The following ZSWIM6 variants were observed in gnomAD, a reference collection of about 807,000 sequenced individuals.
ZSWIM6 encodes zinc finger SWIM-type containing 6, also known as zinc finger SWIM domain-containing protein 6.
Under a neutral mutation model 113.2 loss-of-function variants are expected in ZSWIM6, and 9 were observed. That is an observed-to-expected ratio of 0.08 (90% CI 0.05 to 0.14). ZSWIM6 has a LOEUF of 0.14. Among genes scored for constraint, ZSWIM6 ranks in the 10% least tolerant of loss-of-function variants. The pLI, the probability that ZSWIM6 is intolerant of heterozygous loss-of-function variation, is 1.00. For synonymous variants in ZSWIM6, 611 were observed against 606.5 expected (o/e 1.01, Z -0.11); for missense variants, 1,162 against 1,552.2 (o/e 0.75, Z 4.22).
intron 2 of ZSWIM6, among the ~76,000 whole-genome samples, chr5:61,473,939 T>G (rs763982063): frequency 1.8e-4 from 27 of 152,160 alleles, no homozygotes; most frequent in Non-Finnish European, 2.8e-4. Flanking sequence ...GAAAAGCAAT[T>G]TGAGGTCCTT....
chr5:61,511,644 C>T (rs1748791289), intron 4 of ZSWIM6, among the ~76,000 whole-genome samples: 2 of 152,114 alleles, frequency 1.3e-5, no homozygotes, highest in Non-Finnish European at 2.9e-5. Flanking sequence ...TTAGAAGGTG[C>T]CATCTATGAG....
chr5:61,380,078 T>C (rs1381633557), intron 1 of ZSWIM6, among the ~76,000 whole-genome samples: 1 of 151,938 alleles, frequency 6.6e-6, no homozygotes, highest in East Asian at 1.9e-4. Flanking sequence ...ACTAGATTTC[T>C]TTTTTTTCTT....
At chr5:61,359,516 A>G (rs2112050948) in intron 1 of ZSWIM6, among the ~76,000 whole-genome samples, 1 of 152,270 alleles carries the variant, frequency 6.6e-6, no homozygotes, top group African/African-American at 2.4e-5. Flanking sequence ...AAAGGCGTAC[A>G]CCAGGTGAAT....
chr5:61,374,565 A>G (rs1228317774), intron 1 of ZSWIM6, among the ~76,000 whole-genome samples: 1 of 151,874 alleles, frequency 6.6e-6, no homozygotes, highest in Non-Finnish European at 1.5e-5. Flanking sequence ...TATTTATTTT[A>G]TTTTTTGAGA....
intron 1 of ZSWIM6, among the ~76,000 whole-genome samples, chr5:61,334,989 A>G (rs1367245810): frequency 6.6e-6 from 1 of 151,538 alleles, no homozygotes; most frequent in Non-Finnish European, 1.5e-5. Flanking sequence ...TTCTTGGCTG[A>G]TTGCATTTAA....
chr5:61,389,729 G>C (rs1745664971), intron 1 of ZSWIM6, among the ~76,000 whole-genome samples: 1 of 152,146 alleles, frequency 6.6e-6, no homozygotes, highest in Non-Finnish European at 1.5e-5. Context: ...GTGTCTGTTT[G>C]CTCTGTCTTT....
intron 1 of ZSWIM6, among the ~76,000 whole-genome samples, chr5:61,403,102 G>A (rs950441397): frequency 1.3e-5 from 2 of 152,178 alleles, no homozygotes; most frequent in Non-Finnish European, 2.9e-5. Flanking sequence ...CACTTGCCAA[G>A]TTTACACATC....
rs544543940 is a variant in ZSWIM6, at chr5:61,455,353, A to T, written c.677-17328A>T. On this transcript the variant is annotated intron_variant, in intron 1 of 13. Coordinates refer to ENST00000252744, the MANE Select transcript of ZSWIM6 (RefSeq NM_020928.2). ...TGCAATTGAGAACAATGAAACAAGG[A>T]CAAAGGAAGGGCCTGTGATGCTGCT... is the stretch of plus-strand genomic sequence containing the variant. Among the ~76,000 whole-genome samples the T allele has an allele frequency of 3.3e-3, 499 of 152,274 alleles. 4 individuals carry two copies. The highest frequency in any genetic ancestry group is 9.7e-3 in the South Asian group (47 of 4,832).
intron 1 of ZSWIM6, among the ~76,000 whole-genome samples, chr5:61,383,267 C>G (rs1278590223): frequency 6.6e-6 from 1 of 152,116 alleles, no homozygotes; most frequent in Non-Finnish European, 1.5e-5. Flanking sequence ...TAGGTACAGT[C>G]AACAAAGAGA....
At chr5:61,463,564 A>C (rs777608677) in intron 1 of ZSWIM6, among the ~76,000 whole-genome samples, 1 of 152,176 alleles carries the variant, frequency 6.6e-6, no homozygotes, top group African/African-American at 2.4e-5. Context: ...CCACCGATCT[A>C]TATGTTCCAC....
intron 1 of ZSWIM6, among the ~76,000 whole-genome samples, chr5:61,342,167 C>G (rs142221656): frequency 6.6e-6 from 1 of 152,272 alleles, no homozygotes; most frequent in East Asian, 1.9e-4. Flanking sequence ...ATGTGAGTCA[C>G]CACACCCGGC....
intron 9 of ZSWIM6, among the ~76,000 whole-genome samples, chr5:61,535,009 AC>A (rs1749538275): frequency 6.6e-6 from 1 of 152,144 alleles, no homozygotes; most frequent in Non-Finnish European, 1.5e-5. Flanking sequence ...CACACCTCTC[AC>A]CCCTGATACA....
chr5:61,397,317 A>G (rs945827045), intron 1 of ZSWIM6, among the ~76,000 whole-genome samples: 4 of 152,230 alleles, frequency 2.6e-5, no homozygotes, highest in Non-Finnish European at 4.4e-5. Flanking sequence ...AATACATTGG[A>G]TTTACCACTG....
At position 61,378,559 on chromosome 5, in the gene ZSWIM6, ATT is replaced by A. The variant is rs66744107; in HGVS notation, c.676+45623_676+45624del. Among the ~76,000 whole-genome samples, 42 of 147,684 alleles carry A rather than the reference ATT, an allele frequency of 2.8e-4. No individual in the cohort carries two copies. In the East Asian group the frequency reaches 3.4e-3, roughly 12 times the overall value. ...GGACACCCTTTAATACCTTTCAGATATTTTTTTTTTTTTGAGACAGGGTTTTG... is the reference window on the plus strand; with the variant it reads ...GGACACCCTTTAATACCTTTCAGATATTTTTTTTTTTGAGACAGGGTTTTG... On this transcript the variant is annotated intron_variant, in intron 1 of 13. Coordinates refer to ENST00000252744, the MANE Select transcript of ZSWIM6 (RefSeq NM_020928.2).
chr5:61,545,994 G>C lies in ZSWIM6; in HGVS notation c.*1677G>C, dbSNP rs1749878387. ...GCGCTCCATTTTATTTATTATAATA[G>C]GTAAAAAGAAAAAAAAAGGTTGTAA... On this transcript the variant is annotated 3_prime_UTR_variant, in exon 14 of 14. Transcript: ENST00000252744. 1 of 151,362 alleles carries C rather than the reference G, an allele frequency of 6.6e-6. No homozygotes were observed. The highest frequency in any genetic ancestry group is 2.1e-4 in the South Asian group (1 of 4,806). The allele number at this position is 151,362 out of a possible 1,614,324, so 9.4% of individuals were successfully genotyped here.
chr5:61,345,993 G>A (rs1744650606), intron 1 of ZSWIM6, among the ~76,000 whole-genome samples: 1 of 152,160 alleles, frequency 6.6e-6, no homozygotes, highest in Non-Finnish European at 1.5e-5. Flanking sequence ...GGCCCAGACT[G>A]GAGTGCAGTG....
chr5:61,465,444 A>G (rs1159949200), intron 1 of ZSWIM6, among the ~76,000 whole-genome samples: 1 of 150,836 alleles, frequency 6.6e-6, no homozygotes, highest in African/African-American at 2.4e-5. Flanking sequence ...TTCTAGTTCA[A>G]CACTTCCCCT....
At chr5:61,521,044 A>T (rs1749102671) in intron 4 of ZSWIM6, among the ~76,000 whole-genome samples, 2 of 152,102 alleles carry the variant, frequency 1.3e-5, no homozygotes, top group African/African-American at 4.8e-5. Flanking sequence ...TTTGTGGCTT[A>T]TGTTAAGGAG....
chr5:61,357,126 TA>T (rs1468328350), intron 1 of ZSWIM6, among the ~76,000 whole-genome samples: 1 of 152,044 alleles, frequency 6.6e-6, no homozygotes, highest in Non-Finnish European at 1.5e-5. Flanking sequence ...ATCTGGGTTT[TA>T]ATAAGCATTC....
Sources: gnomAD v4.1 joint callset for allele counts (sites outside exome capture counted in the v4.1 genomes callset) on GRCh38, gnomAD v4.1.1 for gene constraint, MANE v1.5 for transcripts, NCBI Gene and HGNC (gene_info 2026-07-23, HGNC 2026-07-21) for gene names.